PIWIL4: variants seen among roughly 807,000 people sequenced by gnomAD.
The protein encoded by PIWIL4 is piwi like RNA-mediated gene silencing 4, also known as piwi-like protein 4.
In PIWIL4, 50 loss-of-function variants were observed where a neutral mutation model predicts 100.9. The observed-to-expected ratio is 0.50, with a 90% CI of 0.39 to 0.63. The LOEUF (loss-of-function observed/expected upper bound fraction) is 0.63, where lower values mean the gene tolerates loss of function less well. PIWIL4 is among the 20% of genes least tolerant of loss of function. PIWIL4 has a pLI of 0.00. For synonymous variants in PIWIL4, 342 were observed against 367.5 expected, an observed-to-expected ratio of 0.93 and a Z score of 0.79; for missense variants, 887 against 1,043.3, an observed-to-expected ratio of 0.85 and a Z score of 2.06.
intron 15 of PIWIL4, among the ~76,000 whole-genome samples, chr11:94,614,844 C>T (rs1201726830): frequency 6.6e-6 from 1 of 152,178 alleles, no homozygotes; most frequent in African/African-American, 2.4e-5. Context: ...CTCAATCCCA[C>T]AAAGCCAGGC....
intron 2 of PIWIL4, among the ~76,000 whole-genome samples, chr11:94,571,164 C>T (rs184773233): frequency 1.3e-5 from 2 of 152,288 alleles, no homozygotes; most frequent in Admixed American, 1.3e-4. Flanking sequence ...AGAAGCCCTA[C>T]TCTGACAGGC....
chr11:94,603,277 CGA>C (rs1011220179), intron 12 of PIWIL4, among the ~76,000 whole-genome samples: 1 of 151,922 alleles, frequency 6.6e-6, no homozygotes, highest in Non-Finnish European at 1.5e-5. Context: ...ACCTGCTGGG[CGA>C]GTTTTAAAAA....
chr11:94,609,930 T>C (rs929739039), intron 15 of PIWIL4, among the ~76,000 whole-genome samples: 4 of 152,102 alleles, frequency 2.6e-5, no homozygotes, highest in African/African-American at 4.8e-5. Flanking sequence ...ATTTCAACTA[T>C]ACAATAGTAC....
Position 94,601,851 on chromosome 11 carries a change from A to G in PIWIL4, c.1437A>G (p.Leu479=). The G allele has an allele frequency of 6.2e-7, 1 of 1,614,092 alleles. No individual in the cohort carries two copies. The highest frequency in any genetic ancestry group is 8.5e-7 in the Non-Finnish European group (1 of 1,179,954). Residue 479 remains leucine (L), a synonymous_variant, in exon 12 of 20, where the codon TTA becomes TTG. Coordinates refer to ENST00000299001, the MANE Select transcript of PIWIL4 (RefSeq NM_152431.3). The part of the protein sequence containing the change: ...WSKDIRTCKI[L]NAQSLNTWLI... ...AGGATATTCGAACTTGCAAGATTTT[A>G]AATGCACAGTCTTTGAATACCTGGT...
At chr11:94,614,131 T>A (rs1373685534) in intron 15 of PIWIL4, among the ~76,000 whole-genome samples, 1 of 151,724 alleles carries the variant, frequency 6.6e-6, no homozygotes, top group Non-Finnish European at 1.5e-5. Context: ...ATTTTTTTTT[T>A]AATGTCATTG....
At chr11:94,607,172 G>A (rs748394933) in intron 13 of PIWIL4, among the ~76,000 whole-genome samples, 10 of 152,048 alleles carry the variant, frequency 6.6e-5, no homozygotes, top group Non-Finnish European at 1.2e-4. Flanking sequence ...AGAGAAATGA[G>A]GAGAAAGGAA....
chr11:94,604,377 C>T (rs1045272669), intron 13 of PIWIL4, among the ~76,000 whole-genome samples: 2 of 152,112 alleles, frequency 1.3e-5, no homozygotes, highest in African/African-American at 4.8e-5. Context: ...ATGTTGGTAT[C>T]CAGTGTTCCC....
At chr11:94,570,906 AAAAC>A (rs562665104) in intron 2 of PIWIL4, among the ~76,000 whole-genome samples, 162 of 152,198 alleles carry the variant, frequency 1.1e-3, no homozygotes, top group African/African-American at 3.5e-3. Context: ...AACAAAAACA[AAAAC>A]AAACAAACAA....
At chr11:94,590,734 G>A (rs954564306) in intron 8 of PIWIL4, among the ~76,000 whole-genome samples, 2 of 152,028 alleles carry the variant, frequency 1.3e-5, no homozygotes, top group Admixed American at 1.3e-4. Context: ...GACGAGTTCT[G>A]TATCCTTTAT....
intron 2 of PIWIL4, among the ~76,000 whole-genome samples, chr11:94,572,988 T>C (rs1344277897): frequency 6.6e-6 from 1 of 152,236 alleles, no homozygotes; most frequent in African/African-American, 2.4e-5. Flanking sequence ...GTAGTTCTCC[T>C]TGAAGAGGTC....
At chr11:94,602,337 T>C (rs1948653765) in intron 12 of PIWIL4, among the ~76,000 whole-genome samples, 2 of 152,194 alleles carry the variant, frequency 1.3e-5, no homozygotes, top group Admixed American at 6.5e-5. Context: ...TAATAGGAAA[T>C]GGATATTAAA....
chr11:94,610,664 T>C (rs907471826), intron 15 of PIWIL4, among the ~76,000 whole-genome samples: 3 of 152,082 alleles, frequency 2.0e-5, no homozygotes, highest in African/African-American at 7.2e-5. Context: ...GTCTATTTAA[T>C]TGGATTTTTT....
chr11:94,594,017 C>T (rs1948521078), intron 9 of PIWIL4, among the ~76,000 whole-genome samples: 1 of 152,166 alleles, frequency 6.6e-6, no homozygotes, highest in Non-Finnish European at 1.5e-5. Flanking sequence ...ATATAATCCT[C>T]ATTATACAGT....
intron 15 of PIWIL4, among the ~76,000 whole-genome samples, chr11:94,609,361 A>G (rs1948762636): frequency 6.6e-6 from 1 of 152,198 alleles, no homozygotes. Flanking sequence ...TCATTAAACT[A>G]TGGGTCTTAG....
Position 94,619,987 on chromosome 11 carries a change from TC to T in PIWIL4, c.2295-5del, listed in dbSNP as rs1215460241. ...CTTCTTTCCTACATTCATTCCATTT[TC>T]CCCCTCAGGTATGACTTTTATCTGA... On this transcript the variant is annotated splice_polypyrimidine_tract_variant and intron_variant, in intron 18 of 19. Transcript: ENST00000299001. 1 of 1,614,108 alleles carries T rather than the reference TC, an allele frequency of 6.2e-7. No homozygotes were observed. Among genetic ancestry groups the T allele is most frequent in the South Asian group, 1.1e-5 (1 of 91,076 alleles).
At chr11:94,618,550 G>C (rs1948870553) in intron 17 of PIWIL4, among the ~76,000 whole-genome samples, 2 of 152,200 alleles carry the variant, frequency 1.3e-5, no homozygotes, top group Non-Finnish European at 2.9e-5. Flanking sequence ...GGTTCTCAAA[G>C]GGTTTGAGTG....
At chr11:94,620,377 TAC>T (rs1487257466) in intron 19 of PIWIL4, among the ~76,000 whole-genome samples, 1 of 152,220 alleles carries the variant, frequency 6.6e-6, no homozygotes, top group Non-Finnish European at 1.5e-5. Context: ...CATTAATAGT[TAC>T]AGTTTCTAGA....
chr11:94,606,334 C>T (rs907747997), intron 13 of PIWIL4, among the ~76,000 whole-genome samples: 9 of 152,228 alleles, frequency 5.9e-5, no homozygotes, highest in African/African-American at 2.2e-4. Flanking sequence ...TTTTTCTTCA[C>T]TTTATATAAT....
chr11:94,618,006 T>G lies in PIWIL4; in HGVS notation c.2067T>G (p.Ile689Met). The change falls in exon 17 of 20, where the codon ATT becomes ATG. Residue 689 changes from isoleucine (I) to methionine (M), a missense_variant. By Grantham distance (10) the Ile-to-Met change is conservative. This residue lies in a region of PIWIL4 where 741 missense variants were observed against 930.0 expected (regional missense o/e 0.80). Coordinates refer to ENST00000299001, the MANE Select transcript of PIWIL4 (RefSeq NM_152431.3). Reference protein sequence around the residue: ...KYNHDLPARIIVYRAGVGDGQ... With the variant: ...KYNHDLPARIMVYRAGVGDGQ... ...ATCATGATTTGCCAGCACGGATAAT[T>G]GTGTACCGTGCTGGTGTAGGGGATG... 2 of 1,613,372 alleles carry G rather than the reference T, an allele frequency of 1.2e-6. No individual in the cohort carries two copies.
Sources: allele counts gnomAD v4.1 joint callset (sites outside exome capture counted in the v4.1 genomes callset), GRCh38; gene constraint gnomAD v4.1.1; regional missense constraint gnomAD v4.1.1; transcripts MANE v1.5; gene names NCBI Gene and HGNC (gene_info 2026-07-23, HGNC 2026-07-21).